The following MSI1 variants were observed in gnomAD, a reference collection of about 807,000 sequenced individuals.
MSI1 encodes the protein musashi RNA binding protein 1.
In MSI1, 15 loss-of-function variants were observed where a neutral mutation model predicts 54.4. The ratio of observed to expected loss-of-function variants is 0.28; its 90% CI spans 0.18 to 0.42. The LOEUF is 0.42. Among genes scored for constraint, MSI1 ranks in the 20% least tolerant of loss-of-function variants. The pLI, the probability that MSI1 is intolerant of heterozygous loss-of-function variation, is 1.00. For missense variants in MSI1, 304 were observed against 506.0 expected (o/e 0.60, Z 3.83); for synonymous variants, 200 against 196.5 (o/e 1.02, Z -0.15).
chr12:120,365,836 A>G (rs752513771), intron 4 of MSI1, among the ~76,000 whole-genome samples: 34 of 152,206 alleles, frequency 2.2e-4, no homozygotes, highest in Non-Finnish European at 4.4e-4. Context: ...TGTGAGCCTC[A>G]GTTCCTTCAT....
chr12:120,368,907 T>C lies in MSI1; in HGVS notation c.60-34A>G. 7.3e-7 allele frequency: 1 copy of C among 1,366,408 alleles called. No individual in the cohort carries two copies. Among genetic ancestry groups the C allele is most frequent in the South Asian group, 1.6e-5 (1 of 64,186 alleles). The allele number at this position is 1,366,408 out of a possible 1,614,324, so 84.6% of individuals were successfully genotyped here. Reference sequence around the variant, plus strand: ...GGAGGAGAGACACAAAGGGCCCGCGTGAGCGCCGGGCGCCAGGGCGCAGGG... The same window carrying C: ...GGAGGAGAGACACAAAGGGCCCGCGCGAGCGCCGGGCGCCAGGGCGCAGGG... On this transcript the variant is annotated intron_variant, in intron 1 of 14. Coordinates refer to ENST00000257552, the MANE Select transcript of MSI1 (RefSeq NM_002442.4). This position sits in a 1 kb window ranked among gnomAD's most constrained non-coding sequence, Gnocchi z 6.6.
At chr12:120,355,379 T>C (rs2136945140) in intron 9 of MSI1, among the ~76,000 whole-genome samples, 1 of 138,846 alleles carries the variant, frequency 7.2e-6, no homozygotes, top group East Asian at 2.1e-4. Flanking sequence ...CAGTCCGGCC[T>C]GCGAAAGAGT....
downstream of MSI1, among the ~76,000 whole-genome samples, chr12:120,340,073 T>A (rs1873615087): frequency 6.7e-6 from 1 of 148,188 alleles, no homozygotes; most frequent in African/African-American, 2.5e-5. Flanking sequence ...TGAGCCAACG[T>A]GCCCAGCCAA....
intron 11 of MSI1, among the ~76,000 whole-genome samples, chr12:120,348,295 G>T (rs1565884474): frequency 6.6e-6 from 1 of 152,192 alleles, no homozygotes; most frequent in Non-Finnish European, 1.5e-5. Flanking sequence ...TGAAAGAGTA[G>T]AAAGGGAATC....
chr12:120,365,075 T>C (rs893372364), intron 4 of MSI1, among the ~76,000 whole-genome samples: 1 of 152,116 alleles, frequency 6.6e-6, no homozygotes, highest in Non-Finnish European at 1.5e-5. Context: ...CACACCCAGC[T>C]AATTTTTGTA....
intron 12 of MSI1, 135 bp from the exon 13 acceptor site, chr12:120,346,457 T>C: frequency 1.2e-6 from 1 of 868,184 alleles, no homozygotes; most frequent in Non-Finnish European, 1.7e-6. Context: ...CTCCTGGAGA[T>C]CTCCCCATGC....
intron 9 of MSI1, among the ~76,000 whole-genome samples, chr12:120,354,925 G>A (rs1251730546): frequency 6.6e-6 from 1 of 151,060 alleles, no homozygotes; most frequent in African/African-American, 2.4e-5. Context: ...TGGCCATGGT[G>A]GCTCATGCCT....
chr12:120,351,644 G>A (rs755931974), intron 10 of MSI1, among the ~76,000 whole-genome samples: 5 of 151,910 alleles, frequency 3.3e-5, no homozygotes, highest in Non-Finnish European at 5.9e-5. Flanking sequence ...GGCAGGGCTG[G>A]AGCTACGATT....
At chr12:120,356,227 T>C (rs1231894148) in intron 9 of MSI1, among the ~76,000 whole-genome samples, 1 of 152,158 alleles carries the variant, frequency 6.6e-6, no homozygotes, top group Non-Finnish European at 1.5e-5. Context: ...TTCTCAGAAG[T>C]TGCTCAATAA....
At position 120,368,266 on chromosome 12, in the gene MSI1, CA is replaced by C; in HGVS notation, c.107del (p.Leu36ArgfsTer11). 1 of 1,573,700 alleles carries C rather than the reference CA, an allele frequency of 6.4e-7. No homozygotes were observed. The highest frequency in any genetic ancestry group is 8.6e-7 in the Non-Finnish European group (1 of 1,158,634). On this transcript the variant is annotated frameshift_variant, in exon 3 of 15. Coordinates refer to ENST00000257552, the MANE Select transcript of MSI1 (RefSeq NM_002442.4). LOFTEE classifies it high-confidence loss of function. This position sits in a 1 kb window ranked among gnomAD's most constrained non-coding sequence, Gnocchi z 6.6. ...GLSWQTTQEGLREYFGQFGEV... is the reference protein window; with the variant it reads ...GLSWQTTQEGXREYFGQFGEV... ...CCCCGAACTGGCCGAAGTATTCGCGCAGCCCTTCTGTAACCACACACCCGCC... is the reference window on the plus strand; with the variant it reads ...CCCCGAACTGGCCGAAGTATTCGCGCGCCCTTCTGTAACCACACACCCGCC...
chr12:120,366,910 G>A (rs35991355), intron 4 of MSI1, among the ~76,000 whole-genome samples: 1 of 152,168 alleles, frequency 6.6e-6, no homozygotes, highest in Non-Finnish European at 1.5e-5. Flanking sequence ...GGGGATGGTA[G>A]CAGAACAGGC....
intron 6 of MSI1, among the ~76,000 whole-genome samples, chr12:120,360,675 G>C (rs1413452143): frequency 2.0e-5 from 3 of 152,192 alleles, no homozygotes; most frequent in Non-Finnish European, 4.4e-5. Flanking sequence ...GCTTTGGGTA[G>C]GACGGGCCTG....
chr12:120,366,525 A>AC (rs1301083716), intron 4 of MSI1, among the ~76,000 whole-genome samples: 1 of 151,574 alleles, frequency 6.6e-6, no homozygotes, highest in Non-Finnish European at 1.5e-5. Flanking sequence ...CCCTACACAG[A>AC]CCCCGATGGG....
In MSI1 at chr12:120,342,366, A is replaced by AGAAACAGGG. The variant is rs1262485225; in HGVS notation, c.*752_*760dup. ...TTACAGTAACGGTGTCTGAGGGGAC[A>AGAAACAGGG]GAAACAGGGGAGGGGGGAGCCCCTC... is the stretch of plus-strand genomic sequence containing the variant. On this transcript the variant is annotated 3_prime_UTR_variant, in exon 15 of 15. Coordinates refer to ENST00000257552, the MANE Select transcript of MSI1 (RefSeq NM_002442.4). 4.6e-5 allele frequency: 7 copies of AGAAACAGGG among 152,854 alleles called. No homozygotes were observed. Among genetic ancestry groups the AGAAACAGGG allele is most frequent in the Non-Finnish European group, 8.8e-5 (6 of 68,294 alleles). The allele number at this position is 152,854 out of a possible 1,614,324, so 9.5% of individuals were successfully genotyped here.
At chr12:120,367,185 G>A (rs1876068327) in intron 4 of MSI1, among the ~76,000 whole-genome samples, 2 of 152,016 alleles carry the variant, frequency 1.3e-5, no homozygotes. Flanking sequence ...AAGCAGAGAG[G>A]CCCAAGGCTG....
rs368463942 is a variant in MSI1 at position 120,353,262 on chromosome 12, G to A, written c.733+37C>T. 8.6e-5 allele frequency: 137 copies of A among 1,596,434 alleles called. 1 individual carries two copies. Among genetic ancestry groups the A allele is most frequent in the Middle Eastern group, 8.3e-4 (5 of 6,000 alleles). ...AAGTCAGACTGCCCGGGAACCAGGG[G>A]CATGCTGGCAGCAGAGGGATACTGA... On this transcript the variant is annotated intron_variant, in intron 10 of 14. Transcript: ENST00000257552.
chr12:120,361,905 C>T lies in MSI1; in HGVS notation c.402+1138G>A, dbSNP rs1250775727. 4.6e-5 allele frequency among the ~76,000 whole-genome samples: 7 copies of T among 151,794 alleles called. No homozygotes were observed. The East Asian group carries it at 7.8e-4, about 17-fold the overall frequency. ...CTGGGGCCCGGTTGCCATGGCAACG[C>T]CGGCCCCGGGGGCAGGCGGCCTCCA... On this transcript the variant is annotated intron_variant, in intron 6 of 14. Transcript: ENST00000257552.
intron 12 of MSI1, 85 bp downstream of exon 12, chr12:120,347,361 G>T: frequency 6.9e-7 from 1 of 1,445,450 alleles, no homozygotes; most frequent in South Asian, 1.2e-5. Context: ...TCTGCAAAGG[G>T]GTGGCAGTGG....
At chr12:120,340,382 C>A (rs1048143078), downstream of MSI1, among the ~76,000 whole-genome samples, 5 of 152,216 alleles carry the variant, frequency 3.3e-5, no homozygotes, top group African/African-American at 1.2e-4. Context: ...CCATGCCTGG[C>A]CCAAAATAGC....
Sources: gnomAD v4.1 joint callset for allele counts (sites outside exome capture counted in the v4.1 genomes callset) on GRCh38, gnomAD v4.1.1 for gene constraint, Gnocchi (gnomAD v3.1) non-coding constraint, MANE v1.5 for transcripts, NCBI Gene and HGNC (gene_info 2026-07-23, HGNC 2026-07-21) for gene names.